The following CNGB3 variants were observed in gnomAD, a reference collection of about 807,000 sequenced individuals.
CNGB3 encodes cyclic nucleotide-gated channel beta-3.
A neutral mutation model predicts 92.8 loss-of-function variants in CNGB3; 86 were observed. The observed-to-expected ratio is 0.93, with a 90% CI of 0.78 to 1.11. The LOEUF (loss-of-function observed/expected upper bound fraction) is 1.11. Among genes scored for constraint, CNGB3 ranks in the 50% least tolerant of loss-of-function variants. The pLI is 0.00. For missense variants in CNGB3, 1,026 were observed against 956.8 expected (o/e 1.07, Z -0.95); for synonymous variants, 333 against 332.7 (o/e 1.00, Z -0.01).
intron 6 of CNGB3, 99 bp downstream of exon 6, chr8:86,666,826 T>G (rs1283624481): frequency 1.1e-6 from 1 of 932,006 alleles, no homozygotes; most frequent in Non-Finnish European, 1.7e-6. Flanking sequence ...TCCATGCAGA[T>G]AGCCAGTCAA....
chr8:86,668,134 G>A lies in CNGB3; in HGVS notation c.528C>T (p.Ser176=), dbSNP rs765444763. 1.7e-5 allele frequency: 27 copies of A among 1,613,478 alleles called. No homozygotes were observed. Among genetic ancestry groups the A allele is most frequent in the East Asian group, 6.7e-5 (3 of 44,870 alleles). Residue 176 remains serine, a synonymous_variant, in exon 5 of 18, where the codon AGC becomes AGT. Coordinates refer to ENST00000320005, the MANE Select transcript of CNGB3 (RefSeq NM_019098.5). The part of the protein sequence containing the change: ...KPTAVPPVKE[S]DDKPTEHYYR... Reference sequence around the variant, plus strand: ...AGTAATGTTCTGTTGGCTTATCATCGCTTTCTTTTACTGGTGGTACAGCCG... The same window carrying A: ...AGTAATGTTCTGTTGGCTTATCATCACTTTCTTTTACTGGTGGTACAGCCG...
chr8:86,637,001 A>G (rs910358911), intron 10 of CNGB3, among the ~76,000 whole-genome samples: 1 of 152,066 alleles, frequency 6.6e-6, no homozygotes, highest in Non-Finnish European at 1.5e-5. Flanking sequence ...TTATCCTTTC[A>G]TTAGTTGAGA....
chr8:86,646,863 A>T (rs1485708366), intron 8 of CNGB3, among the ~76,000 whole-genome samples: 1 of 151,212 alleles, frequency 6.6e-6, no homozygotes, highest in East Asian at 1.9e-4. Context: ...TATGTCTTAT[A>T]ACCATTTTGA....
rs886063160 is a variant in CNGB3, at chr8:86,643,769, T to C, written c.1160A>G (p.Tyr387Cys). Residue 387 changes from tyrosine to cysteine, a missense_variant, in exon 10 of 18, where the codon TAT becomes TGT. By Grantham distance (194) the Tyr-to-Cys change is radical (BLOSUM62 -2). Transcript: ENST00000320005. ...AACTTACTCGTTTCCTTCCCCATCA[T>C]ACACCCATCTAGTAGTGCCAATTCC... The part of the protein sequence containing the change: ...YEGIGTTRWV[Y>C]DGEGNEYLRC... 1 of 1,605,564 alleles carries C rather than the reference T, an allele frequency of 6.2e-7. No individual in the cohort carries two copies. The highest frequency in any genetic ancestry group is 8.5e-7 in the Non-Finnish European group (1 of 1,174,984).
At position 86,629,175 on chromosome 8, in the gene CNGB3, G is replaced by C. The variant is rs1866907; in HGVS notation, c.1321-97C>G. On this transcript the variant is annotated intron_variant, in intron 11 of 17. Transcript: ENST00000320005. The stretch of plus-strand genomic sequence containing the variant: ...TCCACATGATATACTTCCTTCTAAT[G>C]CCCTGATTACTTGATTTTATTCATT... The C allele has an allele frequency of 4.2e-5, 55 of 1,308,746 alleles. No individual in the cohort carries two copies. The African/African-American group carries it at 7.8e-4, about 19-fold the overall frequency. 81.1% of individuals were successfully genotyped at this position (1,308,746 alleles called of 1,614,324 possible).
intron 3 of CNGB3, among the ~76,000 whole-genome samples, chr8:86,687,583 G>A (rs753273882): frequency 6.6e-6 from 1 of 152,062 alleles, no homozygotes; most frequent in African/African-American, 2.4e-5. Context: ...TTACTTTAGA[G>A]TGATGGAAAC....
chr8:86,707,239 C>T (rs1448211518), intron 3 of CNGB3, among the ~76,000 whole-genome samples: 1 of 152,088 alleles, frequency 6.6e-6, no homozygotes, highest in African/African-American at 2.4e-5. Context: ...ATAAGCATAA[C>T]AAACTCCTAT....
chr8:86,622,460 A>G (rs1250750098), intron 13 of CNGB3, among the ~76,000 whole-genome samples: 1 of 150,704 alleles, frequency 6.6e-6, no homozygotes, highest in African/African-American at 2.4e-5. Context: ...ATCAATTTTG[A>G]TAAATGTATA....
At chr8:86,606,117 T>TA (rs1377307243) in intron 14 of CNGB3, among the ~76,000 whole-genome samples, 5 of 150,374 alleles carry the variant, frequency 3.3e-5, no homozygotes, top group Non-Finnish European at 5.9e-5. Context: ...TTGTGTAAAA[T>TA]ACATTTTTAA....
Position 86,679,902 on chromosome 8 carries a change from A to G in CNGB3, c.339-8804T>C, listed in dbSNP as rs555515171. On this transcript the variant is annotated intron_variant, in intron 3 of 17. Transcript: ENST00000320005. Reference sequence around the variant, plus strand: ...TCATCTCATTCACAGCGGAAAGTCCATATGGAAATACAGCAAGAAGGCAGC... The same window carrying G: ...TCATCTCATTCACAGCGGAAAGTCCGTATGGAAATACAGCAAGAAGGCAGC... 2.6e-5 allele frequency among the ~76,000 whole-genome samples: 4 copies of G among 152,302 alleles called. No homozygotes were observed. The East Asian group carries it at 5.8e-4, about 22-fold the overall frequency.
chr8:86,651,618 C>A (rs957557760), intron 7 of CNGB3, among the ~76,000 whole-genome samples: 3 of 151,794 alleles, frequency 2.0e-5, no homozygotes, highest in Non-Finnish European at 4.4e-5. Flanking sequence ...TGCTTGCTTT[C>A]TATTCAATTC....
intron 10 of CNGB3, among the ~76,000 whole-genome samples, chr8:86,635,624 T>A (rs986466806): frequency 2.0e-5 from 3 of 151,524 alleles, no homozygotes; most frequent in African/African-American, 7.3e-5. Context: ...TAGACATGCA[T>A]AACCAAAGGT....
intron 7 of CNGB3, among the ~76,000 whole-genome samples, chr8:86,651,381 A>T (rs561074933): frequency 6.6e-6 from 1 of 152,020 alleles, no homozygotes; most frequent in Non-Finnish European, 1.5e-5. Context: ...GTTTGAATTA[A>T]CCAGATTAGC....
intron 3 of CNGB3, among the ~76,000 whole-genome samples, chr8:86,716,802 A>G (rs1223996208): frequency 2.0e-5 from 3 of 152,204 alleles, no homozygotes; most frequent in African/African-American, 7.2e-5. Flanking sequence ...CTATATAACA[A>G]TAACAATAAA....
intron 3 of CNGB3, among the ~76,000 whole-genome samples, chr8:86,718,169 G>A (rs966799683): frequency 5.3e-5 from 8 of 151,810 alleles, no homozygotes; most frequent in African/African-American, 1.9e-4. Flanking sequence ...CAAGATCAGA[G>A]CAGAACTAAA....
intron 8 of CNGB3, among the ~76,000 whole-genome samples, chr8:86,646,654 C>T (rs1004805735): frequency 2.6e-5 from 4 of 151,030 alleles, no homozygotes; most frequent in African/African-American, 9.7e-5. Flanking sequence ...GCTGGTGTTA[C>T]CAGGTTATGT....
chr8:86,657,937 C>A, intron 6 of CNGB3: 1 of 552,100 alleles, frequency 1.8e-6, no homozygotes, highest in Admixed American at 1.9e-5. Flanking sequence ...CTGCCATGCC[C>A]TGGCCTCCCC....
At chr8:86,633,958 A>G (rs1585982253) in intron 10 of CNGB3, among the ~76,000 whole-genome samples, 2 of 152,242 alleles carry the variant, frequency 1.3e-5, no homozygotes, top group East Asian at 3.8e-4. Flanking sequence ...CAACTGATCT[A>G]GAAATTTGGT....
At chr8:86,672,035 G>A (rs1823871194) in intron 3 of CNGB3, among the ~76,000 whole-genome samples, 4 of 152,082 alleles carry the variant, frequency 2.6e-5, no homozygotes, top group Admixed American at 2.6e-4. Flanking sequence ...TTAAGTATGT[G>A]GTAATTTGTT....
Sources: gnomAD v4.1 joint callset for allele counts (sites outside exome capture counted in the v4.1 genomes callset) on GRCh38, gnomAD v4.1.1 for gene constraint, MANE v1.5 for transcripts, NCBI Gene and HGNC (gene_info 2026-07-23, HGNC 2026-07-21) for gene names.